GLCE: variants seen among roughly 807,000 people sequenced by gnomAD.
GLCE encodes D-glucuronyl C5-epimerase.
GLCE carries 19 observed loss-of-function variants against 47.9 expected under a neutral mutation model. That is an observed-to-expected ratio of 0.40 (90% CI 0.28 to 0.58). The LOEUF (loss-of-function observed/expected upper bound fraction) is 0.58, where lower values mean the gene tolerates loss of function less well. Ranked by LOEUF, GLCE falls within the 20% of genes least tolerant of loss-of-function variation. The pLI, the probability that GLCE is intolerant of heterozygous loss-of-function variation, is 0.48. For missense variants in GLCE, 556 were observed against 743.3 expected (o/e 0.75, Z 2.93); for synonymous variants, 245 against 263.4 (o/e 0.93, Z 0.68).
chr15:69,266,819 C>A, intron 4 of GLCE: 1 of 414,362 alleles, frequency 2.4e-6, no homozygotes, highest in Non-Finnish European at 3.3e-6. Flanking sequence ...CCCTGCTCTA[C>A]AACTAATTAG....
chr15:69,218,741 A>G (rs987031750), intron 2 of GLCE, among the ~76,000 whole-genome samples: 1 of 152,220 alleles, frequency 6.6e-6, no homozygotes, highest in Non-Finnish European at 1.5e-5. Context: ...ATGGCTAAAT[A>G]TCCATTTGAT....
intron 1 of GLCE, among the ~76,000 whole-genome samples, chr15:69,176,753 T>C (rs1308464698): frequency 3.9e-5 from 6 of 152,316 alleles, no homozygotes; most frequent in South Asian, 2.1e-4. Context: ...AGATTCCAAA[T>C]GTATCTTAGT....
intron 2 of GLCE, among the ~76,000 whole-genome samples, chr15:69,239,335 G>C: frequency 6.6e-6 from 1 of 152,102 alleles, no homozygotes; most frequent in East Asian, 1.9e-4. Flanking sequence ...CTTTCTTAGG[G>C]CATAAGGTGA....
chr15:69,165,261 A>G (rs1341466414), intron 1 of GLCE, among the ~76,000 whole-genome samples: 1 of 151,978 alleles, frequency 6.6e-6, no homozygotes. Flanking sequence ...TAAAGCCCAT[A>G]CTTTATCAGC....
chr15:69,255,961 T>G lies in GLCE; in HGVS notation c.155T>G (p.Phe52Cys). 6.2e-7 allele frequency: 1 copy of G among 1,613,904 alleles called. No homozygotes were observed. Among genetic ancestry groups the G allele is most frequent in the South Asian group, 1.1e-5 (1 of 91,060 alleles). ...AGTAGTGGCTTCAGAGTGGATGGGT[T>G]TGAAAAAAGAGCAGCAGCATCTGAG... is the stretch of plus-strand genomic sequence containing the variant. Reference protein sequence around the residue: ...RSSSGFRVDGFEKRAAASESN... With the variant: ...RSSSGFRVDGCEKRAAASESN... The change falls in exon 3 of 5, where the codon TTT becomes TGT. Residue 52 changes from phenylalanine (F) to cysteine (C), a missense_variant. Around this residue, in one of 3 missense-constraint regions of GLCE, gnomAD observed 237 missense variants for 310.9 expected, o/e 0.76. Coordinates refer to ENST00000261858, the MANE Select transcript of GLCE (RefSeq NM_015554.3).
chr15:69,217,479 T>C (rs1566958948), intron 2 of GLCE, among the ~76,000 whole-genome samples: 1 of 151,886 alleles, frequency 6.6e-6, no homozygotes, highest in Non-Finnish European at 1.5e-5. Flanking sequence ...AGAATGTGGG[T>C]TTTTATTTGT....
intron 2 of GLCE, among the ~76,000 whole-genome samples, chr15:69,254,166 CAAT>C (rs1475849856): frequency 6.6e-6 from 1 of 152,168 alleles, no homozygotes; most frequent in Non-Finnish European, 1.5e-5. Context: ...TCACACCATA[CAAT>C]AAATTACAGA....
At chr15:69,188,019 G>A (rs568062592) in intron 1 of GLCE, among the ~76,000 whole-genome samples, 20 of 151,940 alleles carry the variant, frequency 1.3e-4, no homozygotes, top group Admixed American at 3.9e-4. Flanking sequence ...ATCAGAGCTC[G>A]CCCCACTGCA....
At chr15:69,202,881 A>G (rs1351212734) in intron 1 of GLCE, among the ~76,000 whole-genome samples, 3 of 152,190 alleles carry the variant, frequency 2.0e-5, no homozygotes, top group Middle Eastern at 3.4e-3. Flanking sequence ...TCTTATTCTG[A>G]CCTTTAATGT....
intron 3 of GLCE, among the ~76,000 whole-genome samples, chr15:69,259,989 C>T (rs2052988488): frequency 6.6e-6 from 1 of 152,088 alleles, no homozygotes; most frequent in Admixed American, 6.5e-5. Flanking sequence ...CGTGATTCAA[C>T]CATACAACAT....
At chr15:69,247,789 G>A (rs1003430115) in intron 2 of GLCE, among the ~76,000 whole-genome samples, 10 of 152,122 alleles carry the variant, frequency 6.6e-5, no homozygotes, top group African/African-American at 2.4e-4. Context: ...TCAGAAACAG[G>A]CAATCGGGGA....
chr15:69,222,636 A>G (rs551201998), intron 2 of GLCE, among the ~76,000 whole-genome samples: 2 of 152,238 alleles, frequency 1.3e-5, no homozygotes, highest in South Asian at 4.2e-4. Context: ...TCATCTCTCT[A>G]ACCTCTTTCA....
chr15:69,222,375 G>C lies in GLCE; in HGVS notation c.-14+11969G>C, dbSNP rs376603687. 1.4e-4 allele frequency among the ~76,000 whole-genome samples: 21 copies of C among 152,342 alleles called. No individual in the cohort carries two copies. The East Asian group carries it at 3.5e-3, about 25-fold the overall frequency. On this transcript the variant is annotated intron_variant, in intron 2 of 4. Transcript: ENST00000261858. Reference sequence around the variant, plus strand: ...GGGCAGGAAGTGCTCCAGCAGGGTAGTTGAGGCTTTGCTGTGTGTAGGCAC... The same window carrying C: ...GGGCAGGAAGTGCTCCAGCAGGGTACTTGAGGCTTTGCTGTGTGTAGGCAC...
intron 2 of GLCE, among the ~76,000 whole-genome samples, chr15:69,248,200 C>T (rs2052782057): frequency 6.6e-6 from 1 of 152,186 alleles, no homozygotes; most frequent in African/African-American, 2.4e-5. Context: ...CTGGAAGGAT[C>T]CTAACAACCA....
rs1344694550 is a variant in GLCE at position 69,270,161 on chromosome 15, C to T, written c.*917C>T. The T allele has an allele frequency of 6.6e-6, 1 of 151,824 alleles. No homozygotes were observed. The highest frequency in any genetic ancestry group is 2.4e-5 in the African/African-American group (1 of 41,264). The allele number at this position is 151,824 out of a possible 1,614,324, so 9.4% of individuals were successfully genotyped here. On this transcript the variant is annotated 3_prime_UTR_variant, in exon 5 of 5. Coordinates refer to ENST00000261858, the MANE Select transcript of GLCE (RefSeq NM_015554.3). ...GGAAAGGAGCTAGTAGCTTTAAGGC[C>T]ACCACCATATTTTACTTTTTTAGGA... is the stretch of plus-strand genomic sequence containing the variant.
chr15:69,197,273 A>G (rs771397007), intron 1 of GLCE: 3 of 342,630 alleles, frequency 8.8e-6, no homozygotes, highest in Non-Finnish European at 1.8e-5. Flanking sequence ...TTCTTCAAGC[A>G]TCTCAGCAAC....
At chr15:69,166,261 TCTA>T (rs1456400519) in intron 1 of GLCE, among the ~76,000 whole-genome samples, 1 of 152,276 alleles carries the variant, frequency 6.6e-6, no homozygotes, top group African/African-American at 2.4e-5. Context: ...AGCGTCATTA[TCTA>T]CTAAGATGCA....
At position 69,271,699 on chromosome 15, in the gene GLCE, T is replaced by A. The variant is rs1439417735; in HGVS notation, c.*2455T>A. 1 of 152,478 alleles carries A rather than the reference T, an allele frequency of 6.6e-6. No homozygotes were observed. Among genetic ancestry groups the A allele is most frequent in the Non-Finnish European group, 1.5e-5 (1 of 68,034 alleles). The allele number at this position is 152,478 out of a possible 1,614,324, so 9.4% of individuals were successfully genotyped here. A position where few individuals can be genotyped will look rare whatever the true frequency, so the allele number is the denominator to read the frequency against. ...TCCACTTATCTTGAGTTCACTTTGA[T>A]GTTAAATCTATTGCTACTTCAGTTG... On this transcript the variant is annotated 3_prime_UTR_variant, in exon 5 of 5. Transcript: ENST00000261858.
rs2053148064 is a variant in GLCE, at chr15:69,270,324, T to C, written c.*1080T>C. 6.6e-6 allele frequency: 1 copy of C among 152,170 alleles called. No individual in the cohort carries two copies. The highest frequency in any genetic ancestry group is 1.5e-5 in the Non-Finnish European group (1 of 68,014). The allele number at this position is 152,170 out of a possible 1,614,324, so 9.4% of individuals were successfully genotyped here. ...AGTCTGTGCATCATTGGGTGTTTTTTTTTAATTTAATTTTAAATTATCCCA... is the reference window on the plus strand; with the variant it reads ...AGTCTGTGCATCATTGGGTGTTTTTCTTTAATTTAATTTTAAATTATCCCA... On this transcript the variant is annotated 3_prime_UTR_variant, in exon 5 of 5. Coordinates refer to ENST00000261858, the MANE Select transcript of GLCE (RefSeq NM_015554.3).
Sources: allele counts gnomAD v4.1 joint callset (sites outside exome capture counted in the v4.1 genomes callset), GRCh38; gene constraint gnomAD v4.1.1; regional missense constraint gnomAD v4.1.1; transcripts MANE v1.5; gene names NCBI Gene and HGNC (gene_info 2026-07-23, HGNC 2026-07-21).